The following GRM7 variants were observed in gnomAD, a reference collection of about 807,000 sequenced individuals.
The protein encoded by GRM7 is glutamate metabotropic receptor 7.
In GRM7, 35 loss-of-function variants were observed where a neutral mutation model predicts 84.5. The observed-to-expected ratio is 0.41, with a 90% CI of 0.32 to 0.55. The LOEUF (loss-of-function observed/expected upper bound fraction) is 0.55. Among genes scored for constraint, GRM7 ranks in the 20% least tolerant of loss-of-function variants. GRM7 has a pLI of 0.19. For synonymous variants in GRM7, 487 were observed against 455.1 expected, an observed-to-expected ratio of 1.07 and a Z score of -0.89; for missense variants, 1,003 against 1,194.6, an observed-to-expected ratio of 0.84 and a Z score of 2.36.
chr3:6,894,278 G>C (rs1482684886), intron 1 of GRM7, among the ~76,000 whole-genome samples: 3 of 152,058 alleles, frequency 2.0e-5, no homozygotes, highest in Non-Finnish European at 4.4e-5. Context: ...CATTTGGTCT[G>C]AATCTCCAAA....
At chr3:7,186,495 T>G (rs1025072106) in intron 2 of GRM7, among the ~76,000 whole-genome samples, 8 of 152,234 alleles carry the variant, frequency 5.3e-5, no homozygotes, top group African/African-American at 1.9e-4. Context: ...TACCCTGGCT[T>G]TAATCCTGAT....
chr3:7,246,399 G>T (rs1697761781), intron 2 of GRM7, among the ~76,000 whole-genome samples: 1 of 152,114 alleles, frequency 6.6e-6, no homozygotes. Flanking sequence ...CTTTGTCTGT[G>T]AAGTTTTTAC....
intron 1 of GRM7, among the ~76,000 whole-genome samples, chr3:6,914,759 T>C (rs776033428): frequency 2.0e-5 from 3 of 152,174 alleles, no homozygotes; most frequent in Non-Finnish European, 4.4e-5. Flanking sequence ...AAAGTATTTA[T>C]TAACAATTTT....
intron 8 of GRM7, among the ~76,000 whole-genome samples, chr3:7,663,431 C>T (rs1267402685): frequency 6.6e-6 from 1 of 152,186 alleles, no homozygotes; most frequent in East Asian, 1.9e-4. Flanking sequence ...CCAAAGAGAG[C>T]TGTCAGCTGG....
chr3:7,002,651 A>T (rs1695050393), intron 1 of GRM7, among the ~76,000 whole-genome samples: 1 of 152,154 alleles, frequency 6.6e-6, no homozygotes. Flanking sequence ...TGTGAATAGT[A>T]TAGGATTTTT....
intron 4 of GRM7, among the ~76,000 whole-genome samples, chr3:7,347,747 C>A (rs1692955390): frequency 6.6e-6 from 1 of 152,120 alleles, no homozygotes; most frequent in African/African-American, 2.4e-5. Context: ...CCATTTATCT[C>A]TCCTATTCCA....
intron 1 of GRM7, among the ~76,000 whole-genome samples, chr3:6,951,180 G>A (rs1347191809): frequency 6.6e-6 from 1 of 152,116 alleles, no homozygotes; most frequent in East Asian, 1.9e-4. Context: ...GGCCATCTTG[G>A]CTCCACCCCC....
chr3:7,523,626 A>C (rs1417701304), intron 7 of GRM7, among the ~76,000 whole-genome samples: 1 of 152,092 alleles, frequency 6.6e-6, no homozygotes, highest in African/African-American at 2.4e-5. Context: ...ACTACAAGGG[A>C]TGTACTTTCC....
At chr3:7,091,947 T>G (rs1353085332) in intron 1 of GRM7, among the ~76,000 whole-genome samples, 1 of 151,764 alleles carries the variant, frequency 6.6e-6, no homozygotes, top group Non-Finnish European at 1.5e-5. Context: ...GCTTGCAACC[T>G]TAATTTTCTC....
intron 1 of GRM7, among the ~76,000 whole-genome samples, chr3:7,109,441 T>C (rs753004600): frequency 1.3e-5 from 2 of 152,168 alleles, no homozygotes; most frequent in Non-Finnish European, 1.5e-5. Context: ...CAATCCATTG[T>C]CCACGGTATG....
chr3:7,567,925 C>T (rs767917083), intron 7 of GRM7, among the ~76,000 whole-genome samples: 29 of 152,068 alleles, frequency 1.9e-4, no homozygotes, highest in Non-Finnish European at 3.5e-4. Flanking sequence ...GTCTGCATGA[C>T]AGCAGTCAGC....
intron 2 of GRM7, among the ~76,000 whole-genome samples, chr3:7,276,203 A>ATGTGTGTG (rs777846167): frequency 1.8e-4 from 23 of 124,760 alleles, no homozygotes; most frequent in African/African-American, 7.4e-4. Context: ...ATATATATAT[A>ATGTGTGTG]TATATGTGTG....
intron 1 of GRM7, among the ~76,000 whole-genome samples, chr3:7,032,590 C>T (rs759560639): frequency 2.0e-5 from 3 of 151,906 alleles, no homozygotes; most frequent in African/African-American, 2.4e-5. Flanking sequence ...TTTCCCAGGG[C>T]GTTTTTTTCA....
intron 4 of GRM7, among the ~76,000 whole-genome samples, chr3:7,344,460 A>G (rs1017620623): frequency 6.6e-6 from 1 of 152,156 alleles, no homozygotes; most frequent in Non-Finnish European, 1.5e-5. Context: ...TCCATGGCGT[A>G]TATGTACCAC....
chr3:7,072,686 C>CA (rs952446719), intron 1 of GRM7, among the ~76,000 whole-genome samples: 2 of 151,254 alleles, frequency 1.3e-5, no homozygotes, highest in African/African-American at 4.9e-5. Flanking sequence ...GACCCTGTCT[C>CA]AAAAAAATAA....
At chr3:7,288,950 AT>A (rs1699524926) in intron 2 of GRM7, among the ~76,000 whole-genome samples, 1 of 152,142 alleles carries the variant, frequency 6.6e-6, no homozygotes, top group African/African-American at 2.4e-5. Flanking sequence ...TCATCCTCTA[AT>A]TTTCATGACT....
At chr3:7,261,901 C>CAT (rs2124959916) in intron 2 of GRM7, among the ~76,000 whole-genome samples, 3 of 134,022 alleles carry the variant, frequency 2.2e-5, no homozygotes, top group Admixed American at 1.5e-4. Context: ...TCCCTCCCTC[C>CAT]CTCCCTCCCT....
At chr3:7,609,748 A>G (rs1033290434) in intron 8 of GRM7, among the ~76,000 whole-genome samples, 1 of 152,210 alleles carries the variant, frequency 6.6e-6, no homozygotes, top group Admixed American at 6.5e-5. Context: ...GAAATATAGT[A>G]TGATCATGGA....
intron 8 of GRM7, among the ~76,000 whole-genome samples, chr3:7,665,061 T>C (rs1008352472): frequency 2.0e-5 from 3 of 152,172 alleles, no homozygotes; most frequent in Non-Finnish European, 4.4e-5. Context: ...GTGTTTGCAC[T>C]ATTGGTGGAA....
Sources: gnomAD v4.1 joint callset for allele counts (sites outside exome capture counted in the v4.1 genomes callset) on GRCh38, gnomAD v4.1.1 for gene constraint, MANE v1.5 for transcripts, NCBI Gene and HGNC (gene_info 2026-07-23, HGNC 2026-07-21) for gene names.